CFAP20DC: variants seen among roughly 807,000 people sequenced by gnomAD.
CFAP20DC encodes protein CFAP20DC.
CFAP20DC carries 84 observed loss-of-function variants against 101.7 expected under a neutral mutation model. The ratio of observed to expected loss-of-function variants is 0.83; its 90% CI spans 0.69 to 0.99. The LOEUF is 0.99. Ranked by LOEUF, CFAP20DC falls within the 50% of genes least tolerant of loss-of-function variation. The pLI, the probability that CFAP20DC is intolerant of heterozygous loss-of-function variation, is 0.00. For synonymous variants in CFAP20DC, 359 were observed against 351.2 expected (o/e 1.02, Z -0.25); for missense variants, 1,007 against 970.3 (o/e 1.04, Z -0.50).
intron 13 of CFAP20DC, among the ~76,000 whole-genome samples, chr3:58,842,411 C>T (rs1379159344): frequency 6.6e-6 from 1 of 152,058 alleles, no homozygotes; most frequent in African/African-American, 2.4e-5. Flanking sequence ...GACAGACGCA[C>T]CTGGAAAATC....
chr3:58,730,288 C>G (rs2067620706), intron 3 of CFAP20DC, among the ~76,000 whole-genome samples: 1 of 152,144 alleles, frequency 6.6e-6, no homozygotes, highest in African/African-American at 2.4e-5. Flanking sequence ...TGTTAATTAA[C>G]TTGATTAATC....
At chr3:58,969,547 T>C (rs1391896830) in intron 4 of CFAP20DC, among the ~76,000 whole-genome samples, 2 of 152,150 alleles carry the variant, frequency 1.3e-5, no homozygotes, top group South Asian at 2.1e-4. Context: ...TTATTAATAA[T>C]AGCCAAAATG....
chr3:58,779,864 C>T (rs978955236), intron 15 of CFAP20DC, among the ~76,000 whole-genome samples: 1 of 151,954 alleles, frequency 6.6e-6, no homozygotes, highest in Non-Finnish European at 1.5e-5. Context: ...TTCAGAGATC[C>T]CCAAACAGGT....
At position 58,937,729 on chromosome 3, in the gene CFAP20DC, T is replaced by G; in HGVS notation, c.312A>C (p.Leu104Phe). The part of the protein sequence containing the change: ...ITDLGNIKRR[L>F]YLSTVHKELS... ...GTTCCTTATGGACCGTTGATAAATA[T>G]AATCTTCTTTTGATGTTCCCTAAAT... The change falls in exon 5 of 17, where the codon TTA (leucine) becomes TTC (phenylalanine). Residue 104 changes from leucine (L) to phenylalanine (F), a missense_variant. Physicochemically the swap from Leu to Phe is conservative, Grantham distance 22 (BLOSUM62 0). Transcript: ENST00000482387. The G allele has an allele frequency of 6.2e-7, 1 of 1,609,970 alleles. No homozygotes were observed. The highest frequency in any genetic ancestry group is 8.5e-7 in the Non-Finnish European group (1 of 1,176,434).
At chr3:58,738,040 T>C (rs1463211737), downstream of CFAP20DC, among the ~76,000 whole-genome samples, 1 of 152,174 alleles carries the variant, frequency 6.6e-6, no homozygotes, top group Non-Finnish European at 1.5e-5. The surrounding 1 kb of genome is among the most constrained non-coding windows in gnomAD (Gnocchi z 4.4). Flanking sequence ...TCTTAACTAG[T>C]ATAATGGAGA....
chr3:58,868,970 C>A lies in CFAP20DC; in HGVS notation c.1015+358G>T, dbSNP rs1576031706. ...GATCAGTGAGAGAAAAGAAAGAGTACCTTACAAATGGAAGAGATTAATTAA... is the reference window on the plus strand; with the variant it reads ...GATCAGTGAGAGAAAAGAAAGAGTAACTTACAAATGGAAGAGATTAATTAA... On this transcript the variant is annotated intron_variant, in intron 9 of 16. Coordinates refer to ENST00000482387, the MANE Select transcript of CFAP20DC (RefSeq NM_001394063.1). This position sits in a 1 kb window ranked among gnomAD's most constrained non-coding sequence, Gnocchi z 4.6. Among the ~76,000 whole-genome samples the A allele has an allele frequency of 3.3e-5, 5 of 152,088 alleles. No individual in the cohort carries two copies. The highest frequency in any genetic ancestry group is 5.9e-5 in the Non-Finnish European group (4 of 67,972).
intron 3 of CFAP20DC, among the ~76,000 whole-genome samples, chr3:58,720,110 T>A (rs2067450661): frequency 6.6e-6 from 1 of 152,238 alleles, no homozygotes. Context: ...AACTGCTCCC[T>A]GCTTCAAGCT....
At chr3:59,033,967 A>G (rs2109129011) in intron 4 of CFAP20DC, among the ~76,000 whole-genome samples, 1 of 152,348 alleles carries the variant, frequency 6.6e-6, no homozygotes, top group South Asian at 2.1e-4. Flanking sequence ...TAGATTACCC[A>G]CAAAGGGAAG....
chr3:58,965,211 A>C (rs1405553932), intron 4 of CFAP20DC, among the ~76,000 whole-genome samples: 1 of 152,216 alleles, frequency 6.6e-6, no homozygotes, highest in African/African-American at 2.4e-5. Flanking sequence ...TAAGTTGCTG[A>C]ATGTCATAAA....
intron 4 of CFAP20DC, among the ~76,000 whole-genome samples, chr3:59,033,238 A>T (rs2094030766): frequency 1.3e-5 from 2 of 152,230 alleles, no homozygotes; most frequent in African/African-American, 4.8e-5. Context: ...CACAAAGATG[A>T]GGAAAAACCA....
intron 7 of CFAP20DC, among the ~76,000 whole-genome samples, chr3:58,872,772 G>A (rs1419349773): frequency 6.6e-6 from 1 of 151,990 alleles, no homozygotes; most frequent in Non-Finnish European, 1.5e-5. Context: ...TGGCTGTTGA[G>A]GTGATAAATT....
intron 4 of CFAP20DC, among the ~76,000 whole-genome samples, chr3:59,005,682 T>A (rs554871757): frequency 2.8e-4 from 42 of 152,210 alleles, no homozygotes; most frequent in Non-Finnish European, 5.1e-4. Context: ...AACTGTTACA[T>A]AACTATCATT....
At chr3:58,809,134 C>T (rs1402444372) in intron 14 of CFAP20DC, among the ~76,000 whole-genome samples, 1 of 152,020 alleles carries the variant, frequency 6.6e-6, no homozygotes, top group Non-Finnish European at 1.5e-5. Context: ...TAGCACCCCA[C>T]TGTCAACATT....
chr3:58,983,906 G>T (rs555308667), intron 4 of CFAP20DC, among the ~76,000 whole-genome samples: 16 of 152,278 alleles, frequency 1.1e-4, no homozygotes, highest in Admixed American at 9.8e-4. Flanking sequence ...CAGGCAGTCT[G>T]GCCCTAGCAT....
rs569753672 is a variant in CFAP20DC at position 58,984,482 on chromosome 3, T to C, written c.279-46720A>G. 1.1e-4 allele frequency among the ~76,000 whole-genome samples: 16 copies of C among 152,316 alleles called. No homozygotes were observed. The South Asian group carries it at 3.1e-3, about 30-fold the overall frequency. On this transcript the variant is annotated intron_variant, in intron 4 of 16. Coordinates refer to ENST00000482387, the MANE Select transcript of CFAP20DC (RefSeq NM_001394063.1). Reference sequence around the variant, plus strand: ...AGAATCATCACACTGCAGAGAGATGTAGCCTAATGACATGGAAAGAGATGC... The same window carrying C: ...AGAATCATCACACTGCAGAGAGATGCAGCCTAATGACATGGAAAGAGATGC...
intron 6 of CFAP20DC, among the ~76,000 whole-genome samples, chr3:58,887,745 C>T (rs2081776132): frequency 6.6e-6 from 1 of 152,194 alleles, no homozygotes; most frequent in South Asian, 2.1e-4. Flanking sequence ...ATCTACTCCC[C>T]CTTTGCACCT....
At chr3:58,818,045 T>C (rs1207052049) in intron 14 of CFAP20DC, among the ~76,000 whole-genome samples, 1 of 150,540 alleles carries the variant, frequency 6.6e-6, no homozygotes, top group Non-Finnish European at 1.5e-5. Context: ...AAACTAAGCT[T>C]CATAAGTGAA....
chr3:58,816,499 G>T (rs1259106146), intron 14 of CFAP20DC, among the ~76,000 whole-genome samples: 1 of 152,200 alleles, frequency 6.6e-6, no homozygotes, highest in Non-Finnish European at 1.5e-5. Context: ...GGGTCAGGGA[G>T]TTCCCTTTCC....
intron 13 of CFAP20DC, among the ~76,000 whole-genome samples, chr3:58,834,602 C>T (rs556488722): frequency 3.3e-5 from 5 of 152,244 alleles, no homozygotes; most frequent in South Asian, 2.1e-4. Flanking sequence ...CCTGGGCCTT[C>T]GTTCCACCAC....
Sources: gnomAD v4.1 joint callset for allele counts (sites outside exome capture counted in the v4.1 genomes callset) on GRCh38, gnomAD v4.1.1 for gene constraint, Gnocchi (gnomAD v3.1) non-coding constraint, MANE v1.5 for transcripts, NCBI Gene and HGNC (gene_info 2026-07-23, HGNC 2026-07-21) for gene names.